The following CNBD2 variants were observed in gnomAD, a reference collection of about 807,000 sequenced individuals.
The protein encoded by CNBD2 is cyclic nucleotide-binding domain-containing protein 2.
In CNBD2, 64 loss-of-function variants were observed where a neutral mutation model predicts 63.7. The ratio of observed to expected loss-of-function variants is 1.00; its 90% CI spans 0.82 to 1.24. The LOEUF (loss-of-function observed/expected upper bound fraction) is 1.24, where lower values mean the gene tolerates loss of function less well. CNBD2 is among the 50% of genes most tolerant of loss of function. The probability of loss-of-function intolerance (pLI) is 0.00; values close to 1 mark genes in which losing one functional copy is unlikely to be tolerated. For synonymous variants in CNBD2, 229 were observed against 255.4 expected (o/e 0.90, Z 0.99); for missense variants, 691 against 713.5 (o/e 0.97, Z 0.36).
intron 10 of CNBD2, among the ~76,000 whole-genome samples, chr20:36,021,440 C>T (rs1463365383): frequency 6.6e-6 from 1 of 152,156 alleles, no homozygotes; most frequent in African/African-American, 2.4e-5. Context: ...AAAGAATATG[C>T]ATGTATTTAT....
intron 8 of CNBD2, among the ~76,000 whole-genome samples, chr20:36,007,690 T>C (rs1395701286): frequency 6.6e-6 from 1 of 152,176 alleles, no homozygotes; most frequent in African/African-American, 2.4e-5. Context: ...GCCTGGCTAA[T>C]TCTTTAATTT....
At chr20:35,989,891 A>AGAGAG (rs2056720404) in intron 7 of CNBD2, among the ~76,000 whole-genome samples, 1 of 97,954 alleles carries the variant, frequency 1.0e-5, no homozygotes, top group Non-Finnish European at 2.1e-5. Flanking sequence ...GAGAGAGAGA[A>AGAGAG]GAGGGGAGGG....
downstream of CNBD2, among the ~76,000 whole-genome samples, chr20:35,959,810 A>G (rs1234510552): frequency 6.6e-6 from 1 of 152,212 alleles, no homozygotes; most frequent in Admixed American, 6.5e-5. Context: ...TTGGGATTCA[A>G]ACCCACGTTT....
At chr20:35,995,398 A>G (rs755931533) in intron 8 of CNBD2, among the ~76,000 whole-genome samples, 3 of 151,672 alleles carry the variant, frequency 2.0e-5, no homozygotes, top group Non-Finnish European at 4.4e-5. Context: ...CTTGCCTCAC[A>G]TATCCCCCAC....
At chr20:35,957,882 C>T (rs1671773643), downstream of CNBD2, 2 of 152,300 alleles carry the variant, frequency 1.3e-5, no homozygotes, top group Admixed American at 6.5e-5. Context: ...GGGATCATAA[C>T]TCATTCATCT....
At chr20:35,995,257 G>A (rs930978408) in intron 8 of CNBD2, 105 bp downstream of exon 8, 6 of 724,992 alleles carry the variant, frequency 8.3e-6, no homozygotes, top group East Asian at 5.5e-5. Flanking sequence ...GCCTGACAGC[G>A]TATATCATCT....
At position 35,993,844 on chromosome 20, in the gene CNBD2, C is replaced by T. The variant is rs1365112614; in HGVS notation, c.856-1194C>T. On this transcript the variant is annotated intron_variant, in intron 7 of 11. Transcript: ENST00000373973. ...AGCTGGAACTACAGGCATGCACCACCATGCCCAGCTAATTCAGCTAATCTT... is the reference window on the plus strand; with the variant it reads ...AGCTGGAACTACAGGCATGCACCACTATGCCCAGCTAATTCAGCTAATCTT... Among the ~76,000 whole-genome samples the T allele has an allele frequency of 3.3e-5, 5 of 151,052 alleles. No homozygotes were observed. The East Asian group carries it at 9.7e-4, about 29-fold the overall frequency.
At chr20:35,985,141 T>A (rs1324406314) in intron 6 of CNBD2, among the ~76,000 whole-genome samples, 2 of 151,180 alleles carry the variant, frequency 1.3e-5, no homozygotes, top group Non-Finnish European at 3.0e-5. Context: ...AATAAAAAAT[T>A]AAAAAAAATT....
At chr20:35,972,571 G>T in intron 1 of CNBD2, 58 bp from the exon 2 acceptor site, 1 of 1,553,836 alleles carries the variant, frequency 6.4e-7, no homozygotes, top group Non-Finnish European at 8.9e-7. Context: ...CATCCAGCCT[G>T]CTGTTGACTG....
At chr20:35,963,210 G>A (rs1476811171) in intron 2 of CNBD2, among the ~76,000 whole-genome samples, 1 of 151,884 alleles carries the variant, frequency 6.6e-6, no homozygotes, top group African/African-American at 2.4e-5. Flanking sequence ...TCATGGTGGT[G>A]CACACCTGTG....
At chr20:35,994,438 G>A (rs2056792677) in intron 7 of CNBD2, among the ~76,000 whole-genome samples, 1 of 151,234 alleles carries the variant, frequency 6.6e-6, no homozygotes, top group Non-Finnish European at 1.5e-5. Context: ...GAACTCCTGG[G>A]CTCAAGTGAT....
At chr20:35,988,197 C>T (rs1473583156) in intron 7 of CNBD2, among the ~76,000 whole-genome samples, 1 of 150,544 alleles carries the variant, frequency 6.6e-6, no homozygotes, top group African/African-American at 2.5e-5. Context: ...GAGTCTTGCT[C>T]ACTCTGTGCC....
intron 8 of CNBD2, among the ~76,000 whole-genome samples, chr20:36,005,466 CT>C (rs959568764): frequency 6.6e-6 from 1 of 152,196 alleles, no homozygotes; most frequent in African/African-American, 2.4e-5. Flanking sequence ...GGCCACGGAC[CT>C]GTACCAGTCC....
chr20:35,971,479 G>A (rs1031428140), intron 1 of CNBD2, among the ~76,000 whole-genome samples: 1 of 151,872 alleles, frequency 6.6e-6, no homozygotes, highest in African/African-American at 2.4e-5. Context: ...GCAGAGGCGC[G>A]ATCTCAGCTC....
rs11905702 is a variant in CNBD2, at chr20:35,982,979, T to C, written c.408-1003T>C. On this transcript the variant is annotated intron_variant, in intron 4 of 11. Transcript: ENST00000373973. ...AACAAGACTCCGACTCTCCAAATAA[T>C]AGAACAATTAGCTGGATGTGGCAAC... Among the ~76,000 whole-genome samples the C allele has an allele frequency of 5.1e-3, 781 of 151,914 alleles. 9 individuals carry two copies. The highest frequency in any genetic ancestry group is 0.018 in the African/African-American group (751 of 41,446).
chr20:36,027,553 A>C (rs938426856), intron 11 of CNBD2, among the ~76,000 whole-genome samples: 1 of 152,224 alleles, frequency 6.6e-6, no homozygotes, highest in African/African-American at 2.4e-5. Context: ...ATTTATGTGA[A>C]TTAGAAAAAG....
chr20:35,954,570 CT>C, upstream of CNBD2: 1 of 1,464,226 alleles, frequency 6.8e-7, no homozygotes, highest in Non-Finnish European at 9.2e-7. Context: ...CTCTAGCGTT[CT>C]CGAGTCGCAT....
At chr20:36,005,279 G>A (rs1055644211) in intron 8 of CNBD2, among the ~76,000 whole-genome samples, 4 of 152,176 alleles carry the variant, frequency 2.6e-5, no homozygotes, top group Admixed American at 1.3e-4. Context: ...TTCCACCTCT[G>A]ATCATCAGGC....
chr20:35,998,737 G>T (rs183056948), intron 8 of CNBD2, among the ~76,000 whole-genome samples: 162 of 152,092 alleles, frequency 1.1e-3, no homozygotes, highest in African/African-American at 3.8e-3. Flanking sequence ...GCTGGGCATG[G>T]TGGCGCATGC....
Sources: allele counts gnomAD v4.1 joint callset (sites outside exome capture counted in the v4.1 genomes callset), GRCh38; gene constraint gnomAD v4.1.1; transcripts MANE v1.5; gene names NCBI Gene and HGNC (gene_info 2026-07-23, HGNC 2026-07-21).